Variants in FHOD3 observed in about 807,000 individuals in gnomAD.
The protein encoded by FHOD3 is formin homology 2 domain containing 3.
Under a neutral mutation model 173.0 loss-of-function variants are expected in FHOD3, and 90 were observed. That is an observed-to-expected ratio of 0.52 (90% CI 0.44 to 0.62). The LOEUF (loss-of-function observed/expected upper bound fraction) is 0.62, where lower values mean the gene tolerates loss of function less well. Among genes scored for constraint, FHOD3 ranks in the 20% least tolerant of loss-of-function variants. The probability of loss-of-function intolerance (pLI) is 0.00; values close to 1 mark genes in which losing one functional copy is unlikely to be tolerated. For missense variants in FHOD3, 1,945 were observed against 2,034.7 expected (o/e 0.96, Z 0.85); for synonymous variants, 828 against 823.0 (o/e 1.01, Z -0.10).
At chr18:36,518,517 C>T (rs2146503498) in intron 5 of FHOD3, among the ~76,000 whole-genome samples, 1 of 152,238 alleles carries the variant, frequency 6.6e-6, no homozygotes, top group Non-Finnish European at 1.5e-5. Context: ...CTGAGTGGTA[C>T]AACAGGACTA....
intron 3 of FHOD3, among the ~76,000 whole-genome samples, chr18:36,499,466 A>G (rs1320121700): frequency 6.6e-6 from 1 of 152,178 alleles, no homozygotes; most frequent in African/African-American, 2.4e-5. Context: ...CCTGGATAGG[A>G]TAAATCTGGT....
intron 25 of FHOD3, 83 bp from the exon 26 acceptor site, chr18:36,759,035 C>T (rs966666296): frequency 9.2e-6 from 13 of 1,417,198 alleles, no homozygotes; most frequent in South Asian, 3.7e-5. Flanking sequence ...TGTGACATTG[C>T]GATGATCTTT....
chr18:36,551,466 AATTT>A (rs1185699677), intron 5 of FHOD3, among the ~76,000 whole-genome samples: 22 of 151,990 alleles, frequency 1.4e-4, no homozygotes, highest in East Asian at 1.3e-3. Context: ...TAATTTGATT[AATTT>A]ATTTAATTAA....
intron 5 of FHOD3, among the ~76,000 whole-genome samples, chr18:36,537,330 G>T (rs1177258426): frequency 6.6e-6 from 1 of 152,138 alleles, no homozygotes; most frequent in East Asian, 1.9e-4. Context: ...CTGTTATTCT[G>T]GGATTTTCTA....
At chr18:36,425,370 A>G (rs1368206739) in intron 3 of FHOD3, among the ~76,000 whole-genome samples, 2 of 152,192 alleles carry the variant, frequency 1.3e-5, no homozygotes, top group African/African-American at 4.8e-5. Flanking sequence ...TAGTTAAGGG[A>G]CGTAGAATGG....
At position 36,740,736 on chromosome 18, in the gene FHOD3, G is replaced by A; in HGVS notation, c.3657G>A (p.Leu1219=). 6.2e-7 allele frequency: 1 copy of A among 1,613,960 alleles called. No homozygotes were observed. Among genetic ancestry groups the A allele is most frequent in the Non-Finnish European group, 8.5e-7 (1 of 1,179,986 alleles). ...AGCTGGCCAACCCTGAAATCCCCCT[G>A]GGCAGTGCAGAGCAGTTCCTCCTCA... ...EAQLANPEIP[L]GSAEQFLLTL... Residue 1219 remains leucine, a synonymous_variant, in exon 21 of 29, where the codon CTG becomes CTA. Transcript: ENST00000590592.
chr18:36,596,321 A>ATTTTTTTTTTTTTTTT (rs539907617), intron 7 of FHOD3, among the ~76,000 whole-genome samples: 4 of 57,498 alleles, frequency 7.0e-5, no homozygotes, highest in Admixed American at 2.8e-4. Flanking sequence ...TGCCCAGCTA[A>ATTTTTTTTTTTTTTTT]TTTTTTTTTT....
At chr18:36,602,993 C>T (rs560418788) in intron 8 of FHOD3, among the ~76,000 whole-genome samples, 9 of 152,272 alleles carry the variant, frequency 5.9e-5, no homozygotes, top group Admixed American at 2.6e-4. Flanking sequence ...CACAAGAGGA[C>T]AGGCAGAGGT....
At chr18:36,459,831 A>T (rs1395817719) in intron 3 of FHOD3, among the ~76,000 whole-genome samples, 1 of 152,120 alleles carries the variant, frequency 6.6e-6, no homozygotes, top group Non-Finnish European at 1.5e-5. Context: ...CTAGAGTGTC[A>T]TACTTCATTA....
intron 3 of FHOD3, among the ~76,000 whole-genome samples, chr18:36,377,065 G>A (rs1019853251): frequency 6.6e-6 from 1 of 152,214 alleles, no homozygotes; most frequent in Non-Finnish European, 1.5e-5. Flanking sequence ...CTCAGGTGAG[G>A]TGCAGGTTTT....
At chr18:36,323,630 G>A (rs1272358217) in intron 1 of FHOD3, among the ~76,000 whole-genome samples, 1 of 152,288 alleles carries the variant, frequency 6.6e-6, no homozygotes, top group East Asian at 1.9e-4. Flanking sequence ...AAACTGCCAA[G>A]GCCACAGAAG....
At chr18:36,365,910 G>C (rs58522715) in intron 2 of FHOD3, among the ~76,000 whole-genome samples, 8,971 of 152,172 alleles carry the variant, frequency 0.059, 854 homozygotes, top group African/African-American at 0.2. Flanking sequence ...CTCTGAGAAG[G>C]TATCTAGAGA....
chr18:36,772,629 C>G (rs2043435960), intron 28 of FHOD3, among the ~76,000 whole-genome samples: 1 of 152,224 alleles, frequency 6.6e-6, no homozygotes, highest in South Asian at 2.1e-4. Flanking sequence ...GTGACTGAGC[C>G]CACACATGCC....
chr18:36,356,547 G>T (rs2046367172), intron 2 of FHOD3, among the ~76,000 whole-genome samples: 1 of 152,114 alleles, frequency 6.6e-6, no homozygotes, highest in Admixed American at 6.5e-5. Flanking sequence ...GCCCAGGCTG[G>T]AGTGCAGTGG....
intron 10 of FHOD3, among the ~76,000 whole-genome samples, chr18:36,631,162 A>AC (rs1032533287): frequency 8.5e-5 from 13 of 152,124 alleles, no homozygotes; most frequent in Non-Finnish European, 2.9e-5. Flanking sequence ...GGGTGCAGAG[A>AC]CCAGCACTGG....
intron 5 of FHOD3, among the ~76,000 whole-genome samples, chr18:36,553,436 A>C (rs1199597080): frequency 2.6e-5 from 4 of 152,262 alleles, no homozygotes; most frequent in African/African-American, 9.6e-5. Context: ...TCGGCTGTGA[A>C]TCCATCTGGT....
intron 3 of FHOD3, among the ~76,000 whole-genome samples, chr18:36,489,291 G>T (rs920925937): frequency 6.6e-6 from 1 of 152,176 alleles, no homozygotes; most frequent in Non-Finnish European, 1.5e-5. Context: ...CTGCCAGTAG[G>T]GGGGTGAGTA....
intron 3 of FHOD3, among the ~76,000 whole-genome samples, chr18:36,487,027 T>C (rs1212274893): frequency 6.6e-6 from 1 of 152,246 alleles, no homozygotes; most frequent in East Asian, 1.9e-4. Context: ...TACCACAGTT[T>C]ATCTGTTTGC....
intron 6 of FHOD3, among the ~76,000 whole-genome samples, chr18:36,581,313 G>T (rs1437792167): frequency 1.3e-5 from 2 of 152,140 alleles, no homozygotes; most frequent in Non-Finnish European, 2.9e-5. Context: ...AGTCTATACA[G>T]CATGGCCCTT....
Sources: allele counts gnomAD v4.1 joint callset (sites outside exome capture counted in the v4.1 genomes callset), GRCh38; gene constraint gnomAD v4.1.1; transcripts MANE v1.5; gene names NCBI Gene and HGNC (gene_info 2026-07-23, HGNC 2026-07-21).